The following EFCAB6 variants were observed in gnomAD, a reference collection of about 807,000 sequenced individuals.
EFCAB6 encodes EF-hand calcium-binding domain-containing protein 6.
Under a neutral mutation model 169.8 loss-of-function variants are expected in EFCAB6, and 156 were observed. The observed-to-expected ratio is 0.92, with a 90% CI of 0.81 to 1.05. The LOEUF is 1.05. Among genes scored for constraint, EFCAB6 ranks in the 50% least tolerant of loss-of-function variants. The pLI is 0.00. For synonymous variants in EFCAB6, 698 were observed against 676.4 expected (o/e 1.03, Z -0.50); for missense variants, 1,800 against 1,829.1 (o/e 0.98, Z 0.29).
At chr22:43,786,793 G>A (rs80003232) in intron 2 of EFCAB6, among the ~76,000 whole-genome samples, 3 of 151,776 alleles carry the variant, frequency 2.0e-5, no homozygotes, top group African/African-American at 7.3e-5. Flanking sequence ...TATGAGTATA[G>A]GGAAAATTCT....
At chr22:43,568,420 G>A (rs910913417) in intron 26 of EFCAB6, among the ~76,000 whole-genome samples, 4 of 152,128 alleles carry the variant, frequency 2.6e-5, no homozygotes, top group African/African-American at 9.7e-5. Flanking sequence ...TCACTGGTGC[G>A]ACTCAACTCT....
intron 26 of EFCAB6, among the ~76,000 whole-genome samples, chr22:43,559,192 G>C (rs1395839575): frequency 1.3e-5 from 2 of 152,178 alleles, no homozygotes; most frequent in African/African-American, 4.8e-5. Flanking sequence ...CCATCAAAAA[G>C]TGGGCAAAGG....
At chr22:43,743,219 C>T (rs2060437199) in intron 6 of EFCAB6, among the ~76,000 whole-genome samples, 1 of 152,182 alleles carries the variant, frequency 6.6e-6, no homozygotes, top group South Asian at 2.1e-4. Context: ...GACTGTCTGA[C>T]CTTTAAGATG....
intron 18 of EFCAB6, among the ~76,000 whole-genome samples, chr22:43,632,956 G>T (rs1318057979): frequency 6.6e-6 from 1 of 152,220 alleles, no homozygotes; most frequent in Non-Finnish European, 1.5e-5. Context: ...TTAGTTCAGT[G>T]GCTATTTCCT....
At chr22:43,564,597 G>A (rs1428293303) in intron 26 of EFCAB6, among the ~76,000 whole-genome samples, 1 of 152,204 alleles carries the variant, frequency 6.6e-6, no homozygotes, top group African/African-American at 2.4e-5. Context: ...AGCCAGGGGC[G>A]GGAGCAAGCC....
chr22:43,786,441 G>T (rs941013160), intron 2 of EFCAB6, among the ~76,000 whole-genome samples: 22 of 152,194 alleles, frequency 1.4e-4, no homozygotes, highest in African/African-American at 5.1e-4. Context: ...AAAGAAAGTG[G>T]CCGGGCACAG....
At chr22:43,549,880 C>T (rs1389333925) in intron 27 of EFCAB6, among the ~76,000 whole-genome samples, 5 of 152,124 alleles carry the variant, frequency 3.3e-5, no homozygotes, top group East Asian at 1.9e-4. Context: ...TAATGTAATC[C>T]GCTATATTGA....
chr22:43,587,627 C>T (rs1047851961), intron 24 of EFCAB6, among the ~76,000 whole-genome samples: 3 of 152,240 alleles, frequency 2.0e-5, no homozygotes, highest in Middle Eastern at 3.2e-3. Flanking sequence ...CTTATAAGGA[C>T]ACCTGTGATG....
chr22:43,605,546 G>T (rs57640235), intron 22 of EFCAB6, among the ~76,000 whole-genome samples: 1 of 151,402 alleles, frequency 6.6e-6, no homozygotes, highest in Non-Finnish European at 1.5e-5. Flanking sequence ...GGGAGGCTGA[G>T]ACAGGAGAAT....
At chr22:43,763,101 C>T (rs1193114443) in intron 5 of EFCAB6, among the ~76,000 whole-genome samples, 4 of 152,036 alleles carry the variant, frequency 2.6e-5, no homozygotes, top group African/African-American at 7.2e-5. Context: ...TGCAGTGGTG[C>T]GATCTGGGCT....
At chr22:43,698,554 C>T (rs140148369) in intron 10 of EFCAB6, among the ~76,000 whole-genome samples, 156 of 152,200 alleles carry the variant, frequency 1.0e-3, no homozygotes, top group African/African-American at 3.6e-3. Context: ...TACCACATAC[C>T]CCATATCACC....
intron 20 of EFCAB6, among the ~76,000 whole-genome samples, chr22:43,619,927 C>G (rs1602659005): frequency 6.6e-6 from 1 of 152,028 alleles, no homozygotes; most frequent in Admixed American, 6.6e-5. Context: ...AAAGACAAAA[C>G]AAACAAAAAC....
intron 17 of EFCAB6, among the ~76,000 whole-genome samples, chr22:43,658,344 G>C (rs974293308): frequency 5.9e-5 from 9 of 152,220 alleles, no homozygotes; most frequent in Non-Finnish European, 1.2e-4. Context: ...ACCTAGGGAT[G>C]TGTGAACAGC....
chr22:43,566,258 G>A (rs2049420260), intron 26 of EFCAB6, among the ~76,000 whole-genome samples: 1 of 152,174 alleles, frequency 6.6e-6, no homozygotes, highest in Non-Finnish European at 1.5e-5. Context: ...ATTTCCAGGC[G>A]CAGTTCCAGG....
At chr22:43,673,306 A>G (rs569733724) in intron 13 of EFCAB6, among the ~76,000 whole-genome samples, 87 of 152,220 alleles carry the variant, frequency 5.7e-4, no homozygotes, top group Non-Finnish European at 1.1e-3. Context: ...TAAAATAGTA[A>G]TAGAATAAAA....
chr22:43,776,186 A>C (rs56854147), intron 3 of EFCAB6, among the ~76,000 whole-genome samples: 9,668 of 152,214 alleles, frequency 0.064, 339 homozygotes, highest in African/African-American at 0.096. Flanking sequence ...GTGGAGATGC[A>C]AGTGTGGGAA....
chr22:43,539,012 T>C (rs1027993192), intron 28 of EFCAB6, among the ~76,000 whole-genome samples: 1 of 152,144 alleles, frequency 6.6e-6, no homozygotes, highest in African/African-American at 2.4e-5. Flanking sequence ...GGCCCCCTCC[T>C]CTCTCTCCAA....
chr22:43,600,072 G>A lies in EFCAB6; in HGVS notation c.2873C>T (p.Ala958Val), dbSNP rs557791433. 12 of 1,612,786 alleles carry A rather than the reference G, an allele frequency of 7.4e-6. No homozygotes were observed. The South Asian group carries it at 1.1e-4, about 15-fold the overall frequency. ...LQQSTEKAVA[A>V]RDKLMDRHQD... Reference sequence around the variant, plus strand: ...CCCGTGATCCTTCCTCACTCACCTGGCTGCCACAGCCTTCTCTGTGCTCTG... The same window carrying A: ...CCCGTGATCCTTCCTCACTCACCTGACTGCCACAGCCTTCTCTGTGCTCTG... The change falls in exon 23 of 32, where the codon GCC becomes GTC. Residue 958 changes from alanine (A) to valine (V), a missense_variant. Physicochemically the swap from Ala to Val is moderately conservative, Grantham distance 64. Transcript: ENST00000262726.
At chr22:43,724,962 G>C (rs2401409) in intron 8 of EFCAB6, among the ~76,000 whole-genome samples, 118,550 of 152,000 alleles carry the variant, frequency 0.78, 46,368 homozygotes, top group East Asian at 0.87. Flanking sequence ...AACTACATAC[G>C]TGAGACTAAG....
Sources: allele counts gnomAD v4.1 joint callset (sites outside exome capture counted in the v4.1 genomes callset), GRCh38; gene constraint gnomAD v4.1.1; transcripts MANE v1.5; gene names NCBI Gene and HGNC (gene_info 2026-07-23, HGNC 2026-07-21).